The following SEPTIN9 variants were observed in gnomAD, a reference collection of about 807,000 sequenced individuals.
SEPTIN9 encodes the protein septin-9.
Under a neutral mutation model 56.6 loss-of-function variants are expected in SEPTIN9, and 13 were observed. The ratio of observed to expected loss-of-function variants is 0.23; its 90% confidence interval spans 0.15 to 0.37. The LOEUF is 0.37. Ranked by LOEUF, SEPTIN9 falls within the 10% of genes least tolerant of loss-of-function variation. The pLI, the probability that SEPTIN9 is intolerant of heterozygous loss-of-function variation, is 1.00. For synonymous variants in SEPTIN9, 332 were observed against 334.1 expected, an observed-to-expected ratio of 0.99 and a Z score of 0.07; for missense variants, 650 against 823.1, an observed-to-expected ratio of 0.79 and a Z score of 2.57.
At chr17:77,495,116 G>GCAC (rs2040199529) in intron 10 of SEPTIN9, among the ~76,000 whole-genome samples, 1 of 152,162 alleles carries the variant, frequency 6.6e-6, no homozygotes, top group Admixed American at 6.5e-5. Flanking sequence ...TGCCTCTGCT[G>GCAC]CACCCTGGTG....
At chr17:77,412,598 C>T (rs1019703695) in intron 3 of SEPTIN9, among the ~76,000 whole-genome samples, 4 of 151,890 alleles carry the variant, frequency 2.6e-5, no homozygotes, top group Non-Finnish European at 4.4e-5. Flanking sequence ...TGAGGTGGTG[C>T]GCCTGTAGTC....
intron 2 of SEPTIN9, among the ~76,000 whole-genome samples, chr17:77,324,116 G>A (rs945246331): frequency 6.6e-6 from 1 of 152,198 alleles, no homozygotes; most frequent in Admixed American, 6.5e-5. Context: ...CTCTGCCTCC[G>A]TTGTCACGGG....
intron 3 of SEPTIN9, among the ~76,000 whole-genome samples, chr17:77,464,840 G>A (rs543041493): frequency 5.9e-5 from 9 of 151,544 alleles, no homozygotes; most frequent in Non-Finnish European, 1.3e-4. Context: ...TGATCCACCC[G>A]CCTCAGCCTC....
chr17:77,446,059 G>A (rs2037728317), intron 3 of SEPTIN9: 1 of 167,682 alleles, frequency 6.0e-6, no homozygotes, highest in South Asian at 2.0e-4. Flanking sequence ...GGAAGCGCCT[G>A]TGTTGCTGTG....
At chr17:77,415,124 C>T (rs1361183471) in intron 3 of SEPTIN9, among the ~76,000 whole-genome samples, 1 of 152,084 alleles carries the variant, frequency 6.6e-6, no homozygotes, top group Non-Finnish European at 1.5e-5. Flanking sequence ...AAATGCTGGT[C>T]ACCACCCACT....
At chr17:77,331,350 C>G (rs1253317943) in intron 2 of SEPTIN9, among the ~76,000 whole-genome samples, 3 of 151,952 alleles carry the variant, frequency 2.0e-5, no homozygotes, top group African/African-American at 7.3e-5. Context: ...GGCTTATGCT[C>G]CTCCTGGAAT....
chr17:77,447,032 C>A (rs925290307), intron 3 of SEPTIN9: 20 of 167,106 alleles, frequency 1.2e-4, no homozygotes, highest in African/African-American at 4.8e-4. Flanking sequence ...AAAGGGAAAC[C>A]CCGTATCCAT....
chr17:77,444,365 G>T (rs906230407), intron 3 of SEPTIN9, among the ~76,000 whole-genome samples: 2 of 152,122 alleles, frequency 1.3e-5, no homozygotes, highest in Non-Finnish European at 2.9e-5. Flanking sequence ...TGGTCCAGGG[G>T]AGCAGTCATA....
intron 2 of SEPTIN9, among the ~76,000 whole-genome samples, chr17:77,356,904 G>T (rs942815758): frequency 6.7e-6 from 1 of 150,118 alleles, no homozygotes; most frequent in Non-Finnish European, 1.5e-5. Context: ...AGAGGGGAAG[G>T]CGCCGTGGTA....
At chr17:77,370,098 C>T (rs769941296) in intron 2 of SEPTIN9, among the ~76,000 whole-genome samples, 1 of 152,206 alleles carries the variant, frequency 6.6e-6, no homozygotes, top group Non-Finnish European at 1.5e-5. Flanking sequence ...GCTTTGACCT[C>T]AAGGCATGAT....
chr17:77,387,087 CG>C (rs1485688088), intron 2 of SEPTIN9, among the ~76,000 whole-genome samples: 3 of 152,176 alleles, frequency 2.0e-5, no homozygotes, highest in Non-Finnish European at 4.4e-5. Context: ...GGAGGGCCCC[CG>C]TGACAGTTTG....
At chr17:77,399,098 C>T (rs374697020) in intron 2 of SEPTIN9, among the ~76,000 whole-genome samples, 9 of 152,186 alleles carry the variant, frequency 5.9e-5, no homozygotes, top group East Asian at 1.9e-4. Flanking sequence ...GGGCCAGCTC[C>T]GGTTCTAGAA....
chr17:77,401,737 A>C lies in SEPTIN9; in HGVS notation c.77-322A>C, dbSNP rs535401193. Reference sequence around the variant, plus strand: ...CTCCATCTCAAAAAAAAAAAGAAGGAAATAAAAGTCTTCTCTGGAACTAGA... The same window carrying C: ...CTCCATCTCAAAAAAAAAAAGAAGGCAATAAAAGTCTTCTCTGGAACTAGA... On this transcript the variant is annotated intron_variant, in intron 2 of 11. Transcript: ENST00000427177. Among the ~76,000 whole-genome samples, 57 of 150,868 alleles carry C rather than the reference A, an allele frequency of 3.8e-4. No individual in the cohort carries two copies. The South Asian group carries it at 0.012, about 31-fold the overall frequency.
chr17:77,399,604 A>G (rs1354433930), intron 2 of SEPTIN9, among the ~76,000 whole-genome samples: 3 of 152,144 alleles, frequency 2.0e-5, no homozygotes, highest in Admixed American at 2.0e-4. Context: ...CCCCATCTGT[A>G]CGGGGGCGGT....
In SEPTIN9 at chr17:77,492,003, C is replaced by T. The variant is rs77989277; in HGVS notation, c.1381-618C>T. On this transcript the variant is annotated intron_variant, in intron 8 of 11. Transcript: ENST00000427177. The surrounding 1 kb of genome is among the most constrained non-coding windows in gnomAD (Gnocchi z 5.4). Reference sequence around the variant, plus strand: ...AAATGAAACCGAGGTGCCTGGGCTGCGGCACCACATCTGCCTCGGTGGGTG... The same window carrying T: ...AAATGAAACCGAGGTGCCTGGGCTGTGGCACCACATCTGCCTCGGTGGGTG... Among the ~76,000 whole-genome samples the T allele has an allele frequency of 0.022, 3,270 of 151,964 alleles. 112 individuals are homozygous for T. Among genetic ancestry groups the T allele is most frequent in the African/African-American group, 0.074 (3,075 of 41,432 alleles).
At chr17:77,360,882 G>A (rs1428205029) in intron 2 of SEPTIN9, among the ~76,000 whole-genome samples, 2 of 148,284 alleles carry the variant, frequency 1.3e-5, no homozygotes, top group African/African-American at 2.5e-5. Flanking sequence ...AAATGTACCA[G>A]CCTGCCAGTT....
intron 2 of SEPTIN9, 91 bp downstream of exon 2, chr17:77,307,288 C>G: frequency 8.6e-7 from 1 of 1,167,564 alleles, no homozygotes; most frequent in East Asian, 2.3e-5. Context: ...TGCCTCCCCA[C>G]CTGGCTTCCC....
chr17:77,285,192 C>T (rs16969882), intron 1 of SEPTIN9, among the ~76,000 whole-genome samples: 3,635 of 152,056 alleles, frequency 0.024, 140 homozygotes, highest in African/African-American at 0.083. Context: ...GCACTGTACC[C>T]GCCCTGGCTC....
rs1206695764 is a variant in SEPTIN9, at chr17:77,450,753, C to A, written c.722-31391C>A. ...TGGAGAGGCAGGAGCTGGATCAGAT[C>A]TGAATCCAGAGGCTCTCGGAGGAAG... On this transcript the variant is annotated intron_variant, in intron 3 of 11. Transcript: ENST00000427177. The surrounding 1 kb of genome is among the most constrained non-coding windows in gnomAD (Gnocchi z 6.0). 1.0e-6 allele frequency: 1 copy of A among 986,126 alleles called. No individual in the cohort carries two copies. The highest frequency in any genetic ancestry group is 1.2e-6 in the Non-Finnish European group (1 of 830,544). 61.1% of individuals were successfully genotyped at this position (986,126 alleles called of 1,614,324 possible).
Sources: allele counts gnomAD v4.1 joint callset (sites outside exome capture counted in the v4.1 genomes callset), GRCh38; gene constraint gnomAD v4.1.1; non-coding constraint Gnocchi (gnomAD v3.1); transcripts MANE v1.5; gene names NCBI Gene and HGNC (gene_info 2026-07-23, HGNC 2026-07-21).